SMCO4: variants seen among roughly 807,000 people sequenced by gnomAD.
SMCO4 encodes single-pass membrane and coiled-coil domain-containing protein 4.
Under a neutral mutation model 3.6 loss-of-function variants are expected in SMCO4, and 4 were observed. The observed-to-expected ratio is 1.11, with a 90% confidence interval of 0.54 to 2.53. SMCO4 has a LOEUF of 2.53. SMCO4 is among the 30% of genes most tolerant of loss of function. SMCO4 has a pLI of 0.02. For missense variants in SMCO4, 70 were observed against 80.8 expected (o/e 0.87, Z 0.51); for synonymous variants, 36 against 35.3 (o/e 1.02, Z -0.07).
At chr11:93,520,539 T>C (rs987867937) in intron 1 of SMCO4, among the ~76,000 whole-genome samples, 16 of 152,372 alleles carry the variant, frequency 1.1e-4, no homozygotes, top group African/African-American at 3.8e-4. Context: ...TTGACCATTA[T>C]ACTTAACTAT....
At chr11:93,532,270 T>C (rs1342351266) in intron 1 of SMCO4, among the ~76,000 whole-genome samples, 4 of 152,226 alleles carry the variant, frequency 2.6e-5, no homozygotes, top group Non-Finnish European at 5.9e-5. Flanking sequence ...AGATGTCAAC[T>C]TGACTGAACT....
chr11:93,539,384 G>A (rs2134641439), intron 1 of SMCO4, among the ~76,000 whole-genome samples: 1 of 152,170 alleles, frequency 6.6e-6, no homozygotes, highest in East Asian at 1.9e-4. Context: ...TAGGAGGACG[G>A]AAGGAACAGG....
At chr11:93,483,829 G>A (rs1948618715) in intron 2 of SMCO4, among the ~76,000 whole-genome samples, 1 of 152,214 alleles carries the variant, frequency 6.6e-6, no homozygotes, top group Admixed American at 6.5e-5. Context: ...TGACTCTGAA[G>A]CCTGGACAGT....
intron 2 of SMCO4, among the ~76,000 whole-genome samples, chr11:93,491,983 C>T (rs754260722): frequency 2.6e-4 from 39 of 152,200 alleles, no homozygotes; most frequent in Non-Finnish European, 4.4e-4. Flanking sequence ...GGAAAATTCA[C>T]CTCTCAGCTA....
At chr11:93,508,605 G>T (rs759520154) in intron 1 of SMCO4, among the ~76,000 whole-genome samples, 2 of 152,160 alleles carry the variant, frequency 1.3e-5, no homozygotes, top group African/African-American at 2.4e-5. Context: ...AAAGTGCAGG[G>T]CTTTAAACAT....
intron 2 of SMCO4, among the ~76,000 whole-genome samples, chr11:93,495,537 T>C (rs558513946): frequency 2.6e-5 from 4 of 152,226 alleles, no homozygotes; most frequent in Non-Finnish European, 5.9e-5. Context: ...GAAAGCTGTA[T>C]GCTAATATTT....
chr11:93,515,207 CTG>C (rs951469405), intron 1 of SMCO4, among the ~76,000 whole-genome samples: 46 of 152,278 alleles, frequency 3.0e-4, no homozygotes, highest in Admixed American at 1.6e-3. Flanking sequence ...TCAAGCAACT[CTG>C]TGATTTTAAA....
chr11:93,502,372 A>C (rs1948849250), intron 1 of SMCO4, among the ~76,000 whole-genome samples: 1 of 152,270 alleles, frequency 6.6e-6, no homozygotes, highest in South Asian at 2.1e-4. Flanking sequence ...GCTTCATAAC[A>C]GAATGGAGAA....
intron 1 of SMCO4, among the ~76,000 whole-genome samples, chr11:93,510,422 A>T (rs1369041413): frequency 2.6e-5 from 4 of 152,232 alleles, no homozygotes; most frequent in Non-Finnish European, 1.5e-5. Flanking sequence ...CTAAGTGGAA[A>T]GGCACACTGC....
At chr11:93,493,557 C>T (rs1454544949) in intron 2 of SMCO4, among the ~76,000 whole-genome samples, 2 of 152,220 alleles carry the variant, frequency 1.3e-5, no homozygotes, top group Non-Finnish European at 2.9e-5. Flanking sequence ...CAGATGCCTC[C>T]CTTCCTCCAG....
At chr11:93,488,524 C>T (rs1350462728) in intron 2 of SMCO4, among the ~76,000 whole-genome samples, 1 of 152,060 alleles carries the variant, frequency 6.6e-6, no homozygotes, top group Non-Finnish European at 1.5e-5. Flanking sequence ...CAGAGGCATA[C>T]AATTTACCGA....
chr11:93,534,391 G>GAGAC, intron 1 of SMCO4, among the ~76,000 whole-genome samples: 1 of 148,574 alleles, frequency 6.7e-6, no homozygotes. Context: ...GAGAGAGAGA[G>GAGAC]AGAGATACAT....
chr11:93,486,676 G>A (rs976890655), intron 2 of SMCO4, among the ~76,000 whole-genome samples: 2 of 152,108 alleles, frequency 1.3e-5, no homozygotes, highest in Non-Finnish European at 2.9e-5. Context: ...AGCATGGAGG[G>A]AGCCAAGGAT....
At chr11:93,491,386 A>G (rs1242736354) in intron 2 of SMCO4, among the ~76,000 whole-genome samples, 1 of 152,262 alleles carries the variant, frequency 6.6e-6, no homozygotes, top group Non-Finnish European at 1.5e-5. Flanking sequence ...ATCTTAAAAC[A>G]TCAAGTGATC....
At position 93,543,300 on chromosome 11, in the gene SMCO4, G is replaced by GCCGCCA. The variant is rs1193025035; in HGVS notation, c.-184_-179dup. The GCCGCCA allele has an allele frequency of 2.7e-5, 4 of 149,254 alleles. No homozygotes were observed. Among genetic ancestry groups the GCCGCCA allele is most frequent in the Non-Finnish European group, 4.5e-5 (3 of 66,938 alleles). The allele number at this position is 149,254 out of a possible 1,614,324, so 9.2% of individuals were successfully genotyped here. ...CCTGCCCGCGGGCGCCGCCGCCGCC[G>GCCGCCA]CCGCCACCACTGCCGGGAATACGTG... On this transcript the variant is annotated 5_prime_UTR_variant, in exon 1 of 3. Transcript: ENST00000298966.
intron 1 of SMCO4, among the ~76,000 whole-genome samples, chr11:93,505,839 A>G (rs2134603790): frequency 6.7e-6 from 1 of 149,480 alleles, no homozygotes; most frequent in Admixed American, 6.6e-5. Flanking sequence ...AAAAAGAAAA[A>G]TGTATTAAGC....
chr11:93,536,874 A>G (rs1001249624), intron 1 of SMCO4, among the ~76,000 whole-genome samples: 2 of 152,258 alleles, frequency 1.3e-5, no homozygotes, highest in African/African-American at 4.8e-5. Context: ...CAATTTGAAC[A>G]GGTTTCTATG....
chr11:93,482,287 G>A (rs923009062), intron 2 of SMCO4, among the ~76,000 whole-genome samples: 2 of 152,222 alleles, frequency 1.3e-5, no homozygotes, highest in African/African-American at 2.4e-5. Context: ...CCAGGCAGAG[G>A]GCAGAGTGGC....
chr11:93,509,307 A>G (rs948347129), intron 1 of SMCO4, among the ~76,000 whole-genome samples: 1 of 152,120 alleles, frequency 6.6e-6, no homozygotes, highest in Non-Finnish European at 1.5e-5. Flanking sequence ...GAAAAAAAAA[A>G]AAAAAGTTGC....
Sources: allele counts gnomAD v4.1 joint callset (sites outside exome capture counted in the v4.1 genomes callset), GRCh38; gene constraint gnomAD v4.1.1; transcripts MANE v1.5; gene names NCBI Gene and HGNC (gene_info 2026-07-23, HGNC 2026-07-21).